Variants in COBL observed in about 807,000 individuals in gnomAD.
COBL encodes the protein cordon-bleu WH2 repeat protein, also known as protein cordon-bleu.
In COBL, 51 loss-of-function variants were observed where a neutral mutation model predicts 98.8. That is an observed-to-expected ratio of 0.52 (90% CI 0.41 to 0.65). The LOEUF is 0.65. Among genes scored for constraint, COBL ranks in the 30% least tolerant of loss-of-function variants. The pLI is 0.00. For synonymous variants in COBL, 634 were observed against 651.7 expected (o/e 0.97, Z 0.41); for missense variants, 1,617 against 1,617.5 (o/e 1.00, Z 0.01).
chr7:51,161,981 C>T (rs529876019), intron 5 of COBL, among the ~76,000 whole-genome samples: 1 of 152,238 alleles, frequency 6.6e-6, no homozygotes, highest in Non-Finnish European at 1.5e-5. Flanking sequence ...TGCTGAATTG[C>T]AAATTAACTC....
chr7:51,283,529 G>A (rs1799997711), intron 1 of COBL, among the ~76,000 whole-genome samples: 1 of 152,158 alleles, frequency 6.6e-6, no homozygotes, highest in Non-Finnish European at 1.5e-5. Context: ...TTGTTGCCCA[G>A]GCTGGAGTGC....
At chr7:51,171,611 AATT>A (rs1358741922) in intron 5 of COBL, among the ~76,000 whole-genome samples, 3 of 152,250 alleles carry the variant, frequency 2.0e-5, no homozygotes, top group East Asian at 3.9e-4. Context: ...CATGTTTAAC[AATT>A]ATGTCAATAG....
chr7:51,110,594 A>T (rs1796734782), intron 6 of COBL, among the ~76,000 whole-genome samples: 1 of 152,136 alleles, frequency 6.6e-6, no homozygotes, highest in Admixed American at 6.5e-5. Flanking sequence ...TGGTTACATA[A>T]GTTCTTCAGT....
rs188641861 is a variant in COBL, at chr7:51,202,235, T to C, written c.246-8646A>G. ...GGAAAGAAAAAAAAGTACACTGAGG[T>C]TGCTAAGATCTAGGGTAAAAATGAA... On this transcript the variant is annotated intron_variant, in intron 2 of 12. Coordinates refer to ENST00000265136, the MANE Select transcript of COBL (RefSeq NM_015198.5). Among the ~76,000 whole-genome samples, 120 of 152,252 alleles carry C rather than the reference T, an allele frequency of 7.9e-4. 1 individual carries two copies. Among genetic ancestry groups the C allele is most frequent in the Non-Finnish European group, 2.5e-4 (17 of 68,012 alleles).
chr7:51,151,409 G>C (rs1429612837), intron 5 of COBL, among the ~76,000 whole-genome samples: 1 of 152,104 alleles, frequency 6.6e-6, no homozygotes, highest in Non-Finnish European at 1.5e-5. Flanking sequence ...AGGAAAAAAT[G>C]CCCACTGGAA....
At chr7:51,161,396 T>C (rs1786790209) in intron 5 of COBL, among the ~76,000 whole-genome samples, 1 of 152,252 alleles carries the variant, frequency 6.6e-6, no homozygotes, top group Non-Finnish European at 1.5e-5. Flanking sequence ...CTGAAAATTT[T>C]ATTTTACTGG....
At chr7:51,271,956 G>T (rs1423890801) in intron 1 of COBL, among the ~76,000 whole-genome samples, 1 of 152,182 alleles carries the variant, frequency 6.6e-6, no homozygotes, top group Non-Finnish European at 1.5e-5. Context: ...TTGAACCCAG[G>T]AGACAGAGGC....
intron 1 of COBL, among the ~76,000 whole-genome samples, chr7:51,278,522 A>G (rs920188020): frequency 5.3e-5 from 8 of 152,092 alleles, no homozygotes; most frequent in African/African-American, 1.9e-4. Flanking sequence ...CTGGGATTAC[A>G]GGCGTGTGCC....
chr7:51,057,942 G>A (rs187395812), intron 7 of COBL, among the ~76,000 whole-genome samples: 1 of 152,110 alleles, frequency 6.6e-6, no homozygotes, highest in African/African-American at 2.4e-5. Context: ...ACCCTCCTAT[G>A]ACCACATTCT....
At chr7:51,037,534 A>T (rs1788762343) in intron 8 of COBL, among the ~76,000 whole-genome samples, 1 of 152,194 alleles carries the variant, frequency 6.6e-6, no homozygotes, top group African/African-American at 2.4e-5. Context: ...TGAGTCCATG[A>T]AGTCCAGGGC....
At chr7:51,204,402 T>C (rs903925124) in intron 2 of COBL, among the ~76,000 whole-genome samples, 1 of 151,968 alleles carries the variant, frequency 6.6e-6, no homozygotes, top group Non-Finnish European at 1.5e-5. Flanking sequence ...AAAAGGCACA[T>C]ACATCAAAAA....
chr7:51,035,505 T>C (rs921562351), intron 8 of COBL: 21 of 152,200 alleles, frequency 1.4e-4, no homozygotes, highest in African/African-American at 5.1e-4. Flanking sequence ...AAATATGCAG[T>C]TGATGATAGT....
intron 7 of COBL, among the ~76,000 whole-genome samples, chr7:51,067,247 G>C (rs143795779): frequency 1.3e-5 from 2 of 152,330 alleles, no homozygotes; most frequent in Admixed American, 1.3e-4. Context: ...ATGAGTGCAC[G>C]CACGTGTTAT....
At chr7:51,104,822 A>C (rs1355438988) in intron 6 of COBL, among the ~76,000 whole-genome samples, 2 of 152,162 alleles carry the variant, frequency 1.3e-5, no homozygotes, top group African/African-American at 4.8e-5. Flanking sequence ...AAATGCATTG[A>C]CATGTAAGAA....
intron 6 of COBL, among the ~76,000 whole-genome samples, chr7:51,115,789 T>C (rs1253148762): frequency 1.3e-5 from 2 of 152,058 alleles, no homozygotes; most frequent in Non-Finnish European, 2.9e-5. Flanking sequence ...TTTGTCTAGT[T>C]GTTCTATCTG....
At position 51,085,170 on chromosome 7, in the gene COBL, C is replaced by T. The variant is rs1333310760; in HGVS notation, c.1092G>A (p.Thr364=). The T allele has an allele frequency of 1.2e-6, 2 of 1,613,924 alleles. No homozygotes were observed. Among genetic ancestry groups the T allele is most frequent in the Non-Finnish European group, 1.7e-6 (2 of 1,180,000 alleles). Residue 364 remains threonine (T), a synonymous_variant, in exon 7 of 13, where the codon ACG becomes ACA. Coordinates refer to ENST00000265136, the MANE Select transcript of COBL (RefSeq NM_015198.5). ...GGCAGGCCGAGCCTCACTCACCCAT[C>T]GTGCTCTTCCTGTTCTCCTCCTTAT... ...TEDKEENRKS[T]MVSLPLGSGS...
intron 8 of COBL, chr7:51,035,053 G>A (rs997579439): frequency 6.6e-6 from 1 of 152,268 alleles, no homozygotes. Flanking sequence ...TGCCCAGGAA[G>A]TGGACCTGCG....
At chr7:51,173,779 T>C (rs1473717275) in intron 5 of COBL, among the ~76,000 whole-genome samples, 1 of 152,188 alleles carries the variant, frequency 6.6e-6, no homozygotes, top group Non-Finnish European at 1.5e-5. Flanking sequence ...CAAGATGATA[T>C]AAAACTATAA....
chr7:51,027,447 C>G (rs1343996543), intron 10 of COBL, among the ~76,000 whole-genome samples: 1 of 152,240 alleles, frequency 6.6e-6, no homozygotes, highest in African/African-American at 2.4e-5. Context: ...ACATCACTGG[C>G]TGTTACCTTT....
Sources: allele counts gnomAD v4.1 joint callset (sites outside exome capture counted in the v4.1 genomes callset), GRCh38; gene constraint gnomAD v4.1.1; transcripts MANE v1.5; gene names NCBI Gene and HGNC (gene_info 2026-07-23, HGNC 2026-07-21).